Variants in MON2 observed in about 807,000 individuals in gnomAD.
The protein encoded by MON2 is MON2 regulator of endosome-to-Golgi trafficking, also known as protein MON2 homolog.
A neutral mutation model predicts 208.6 loss-of-function variants in MON2; 84 were observed. The observed-to-expected ratio is 0.40, with a 90% CI of 0.34 to 0.48. The LOEUF (loss-of-function observed/expected upper bound fraction) is 0.48. MON2 is among the 20% of genes least tolerant of loss of function. The probability of loss-of-function intolerance (pLI) is 0.59; values close to 1 mark genes in which losing one functional copy is unlikely to be tolerated. For missense variants in MON2, 1,611 were observed against 2,015.4 expected, an observed-to-expected ratio of 0.80 and a Z score of 3.84; for synonymous variants, 660 against 694.0, an observed-to-expected ratio of 0.95 and a Z score of 0.77.
intron 29 of MON2, among the ~76,000 whole-genome samples, chr12:62,570,125 A>C (rs994994870): frequency 2.0e-5 from 3 of 152,156 alleles, no homozygotes; most frequent in African/African-American, 7.2e-5. Flanking sequence ...GATCAGAGAA[A>C]TTCATTCTGA....
chr12:62,471,231 G>A (rs1275247749), intron 1 of MON2, among the ~76,000 whole-genome samples: 2 of 152,192 alleles, frequency 1.3e-5, no homozygotes, highest in African/African-American at 4.8e-5. Flanking sequence ...TTGCCAGGCT[G>A]GAGTACAGTG....
chr12:62,524,990 T>C lies in MON2; in HGVS notation c.1110-94T>C. The C allele has an allele frequency of 2.8e-6, 3 of 1,061,098 alleles. No individual in the cohort carries two copies. In the South Asian group the frequency reaches 5.1e-5, roughly 18 times the overall value. The allele number at this position is 1,061,098 out of a possible 1,614,324, so 65.7% of individuals were successfully genotyped here. A position where few individuals can be genotyped will look rare whatever the true frequency, so the allele number is the denominator to read the frequency against. The stretch of plus-strand genomic sequence containing the variant: ...TGAAGAATGTTTTAGTATAGTTTGG[T>C]AACTCTTATAGTAATATCACTTGCT... On this transcript the variant is annotated intron_variant, in intron 9 of 34. Coordinates refer to ENST00000393630, the MANE Select transcript of MON2 (RefSeq NM_015026.3).
chr12:62,500,900 T>G lies in MON2; in HGVS notation c.663+20T>G. 7.4e-7 allele frequency: 1 copy of G among 1,353,910 alleles called. No homozygotes were observed. Among genetic ancestry groups the G allele is most frequent in the Non-Finnish European group, 1.0e-6 (1 of 981,202 alleles). 83.9% of individuals were successfully genotyped at this position (1,353,910 alleles called of 1,614,324 possible). A position where few individuals can be genotyped will look rare whatever the true frequency, so the allele number is the denominator to read the frequency against. ...TTCCAGGTATTTTAGTTGATAAAAG[T>G]AATTTTTATTCTAAAATATAGTTTT... is the stretch of plus-strand genomic sequence containing the variant. On this transcript the variant is annotated intron_variant, in intron 6 of 34. Transcript: ENST00000393630.
chr12:62,506,125 T>C (rs796883090), intron 7 of MON2, among the ~76,000 whole-genome samples: 16 of 152,304 alleles, frequency 1.1e-4, no homozygotes, highest in African/African-American at 3.6e-4. Context: ...ATTGCCGGTA[T>C]GTTTATATAT....
At chr12:62,561,155 TC>T (rs752873389) in intron 26 of MON2, 42 bp downstream of exon 26, 154 of 1,489,500 alleles carry the variant, frequency 1.0e-4, no homozygotes, top group Non-Finnish European at 1.3e-4. Context: ...CATATAGTTC[TC>T]TGAAATTTTT....
chr12:62,587,544 G>A (rs2075256248), intron 33 of MON2, among the ~76,000 whole-genome samples: 1 of 151,556 alleles, frequency 6.6e-6, no homozygotes, highest in African/African-American at 2.4e-5. Context: ...AGACCAGCAT[G>A]GGCAGCATAG....
At chr12:62,570,722 C>CTTTTTTT (rs1192680038) in intron 29 of MON2, among the ~76,000 whole-genome samples, 1,000 of 71,002 alleles carry the variant, frequency 0.014, 36 homozygotes, top group African/African-American at 0.029. Context: ...TTTTCTTTTT[C>CTTTTTTT]TTTTTTTTTT....
rs1053161175 is a variant in MON2 at position 62,597,627 on chromosome 12, G to A, written c.*4878G>A. 2.0e-5 allele frequency: 3 copies of A among 152,190 alleles called. No individual in the cohort carries two copies. Among genetic ancestry groups the A allele is most frequent in the Non-Finnish European group, 2.9e-5 (2 of 68,026 alleles). The allele number at this position is 152,190 out of a possible 1,614,324, so 9.4% of individuals were successfully genotyped here. ...TGAATACACGGGATTCAGCAGCCAA[G>A]ATGCTCACAAAATGGGATTGCTATA... On this transcript the variant is annotated 3_prime_UTR_variant, in exon 35 of 35. Coordinates refer to ENST00000393630, the MANE Select transcript of MON2 (RefSeq NM_015026.3).
At chr12:62,491,562 T>G (rs184246852) in intron 2 of MON2, among the ~76,000 whole-genome samples, 1 of 152,194 alleles carries the variant, frequency 6.6e-6, no homozygotes, top group African/African-American at 2.4e-5. Flanking sequence ...GGGTCCTCTT[T>G]TAACTTCCAT....
At chr12:62,552,219 C>T (rs768383602) in intron 23 of MON2, among the ~76,000 whole-genome samples, 6 of 152,032 alleles carry the variant, frequency 3.9e-5, no homozygotes, top group Non-Finnish European at 7.4e-5. Context: ...CAATCCCCCA[C>T]GGATACCGAG....
At chr12:62,500,557 T>C (rs1451834749) in intron 5 of MON2, among the ~76,000 whole-genome samples, 1 of 151,780 alleles carries the variant, frequency 6.6e-6, no homozygotes, top group Non-Finnish European at 1.5e-5. Context: ...CTTATTAGAG[T>C]GAATGTAAGG....
Position 62,534,929 on chromosome 12 carries a change from A to AT in MON2, c.1715+5dup. The AT allele has an allele frequency of 6.2e-7, 1 of 1,603,970 alleles. No homozygotes were observed. The highest frequency in any genetic ancestry group is 8.5e-7 in the Non-Finnish European group (1 of 1,172,762). ...CTCTCACTCCTTCTTGATGCCAGGT[A>AT]TTAAGTCTTTGTAAGTTTTATATTG... On this transcript the variant is annotated splice_donor_region_variant and intron_variant, in intron 13 of 34. Transcript: ENST00000393630.
intron 19 of MON2, among the ~76,000 whole-genome samples, chr12:62,539,851 T>C (rs1450938211): frequency 1.3e-5 from 2 of 151,874 alleles, no homozygotes; most frequent in African/African-American, 4.8e-5. Flanking sequence ...ACCCCGTCTC[T>C]ACTAAAAATA....
chr12:62,509,638 T>C (rs57715507), intron 8 of MON2, among the ~76,000 whole-genome samples: 17,463 of 152,226 alleles, frequency 0.11, 1,147 homozygotes, highest in East Asian at 0.27. Context: ...ATAGAGCTTA[T>C]GTTAAGCCAT....
chr12:62,479,001 T>G (rs1216009345), intron 1 of MON2, among the ~76,000 whole-genome samples: 5 of 152,116 alleles, frequency 3.3e-5, no homozygotes, highest in Non-Finnish European at 7.4e-5. Flanking sequence ...AAACAGAAAT[T>G]GTAGAAAGAA....
intron 32 of MON2, among the ~76,000 whole-genome samples, chr12:62,584,993 A>G (rs1166603322): frequency 1.3e-5 from 2 of 151,524 alleles, no homozygotes; most frequent in African/African-American, 2.4e-5. Context: ...ATCAAGAAAT[A>G]TGTTGAATAG....
intron 23 of MON2, among the ~76,000 whole-genome samples, chr12:62,551,601 C>T (rs1026176657): frequency 6.6e-6 from 1 of 152,006 alleles, no homozygotes; most frequent in Non-Finnish European, 1.5e-5. Context: ...TGGAAAAAAA[C>T]GGTACCAACA....
intron 1 of MON2, among the ~76,000 whole-genome samples, chr12:62,468,673 G>C (rs1164308103): frequency 6.6e-6 from 1 of 152,104 alleles, no homozygotes; most frequent in Non-Finnish European, 1.5e-5. Flanking sequence ...TCAATAGTCT[G>C]TTTTGATATT....
rs946473415 is a variant in MON2, at chr12:62,597,255, T to G, written c.*4506T>G. On this transcript the variant is annotated 3_prime_UTR_variant, in exon 35 of 35. Coordinates refer to ENST00000393630, the MANE Select transcript of MON2 (RefSeq NM_015026.3). ...TTTTATGTTTTTATCCTTGTTAAAT[T>G]TTATGTTTACGTTACCATCTTTCTT... is the stretch of plus-strand genomic sequence containing the variant. The G allele has an allele frequency of 1.3e-5, 2 of 152,188 alleles. No individual in the cohort carries two copies. Among genetic ancestry groups the G allele is most frequent in the African/African-American group, 4.8e-5 (2 of 41,442 alleles). The allele number at this position is 152,188 out of a possible 1,614,324, so 9.4% of individuals were successfully genotyped here. A position where few individuals can be genotyped will look rare whatever the true frequency, so the allele number is the denominator to read the frequency against.
Sources: allele counts gnomAD v4.1 joint callset (sites outside exome capture counted in the v4.1 genomes callset), GRCh38; gene constraint gnomAD v4.1.1; transcripts MANE v1.5; gene names NCBI Gene and HGNC (gene_info 2026-07-23, HGNC 2026-07-21).